TM9SF3: variants seen among roughly 807,000 people sequenced by gnomAD.
The protein encoded by TM9SF3 is transmembrane 9 superfamily member 3.
In TM9SF3, 14 loss-of-function variants were observed where a neutral mutation model predicts 78.6. That is an observed-to-expected ratio of 0.18 (90% CI 0.12 to 0.28). The LOEUF is 0.28. TM9SF3 is among the 10% of genes least tolerant of loss of function. TM9SF3 has a pLI of 1.00. For missense variants in TM9SF3, 496 were observed against 721.9 expected (o/e 0.69, Z 3.59); for synonymous variants, 231 against 241.7 (o/e 0.96, Z 0.41).
intron 1 of TM9SF3, among the ~76,000 whole-genome samples, chr10:96,582,355 G>T (rs1848580107): frequency 6.6e-6 from 1 of 152,180 alleles, no homozygotes; most frequent in Non-Finnish European, 1.5e-5. Context: ...ACCTGTACAG[G>T]CCATTAGGAA....
chr10:96,537,098 T>C (rs1847968560), intron 9 of TM9SF3, among the ~76,000 whole-genome samples: 1 of 152,202 alleles, frequency 6.6e-6, no homozygotes, highest in South Asian at 2.1e-4. Flanking sequence ...AGTTAAGGTT[T>C]TGGGGAGATT....
rs201327892 is a variant in TM9SF3, at chr10:96,528,093, A to G, written c.1479T>C (p.Ile493=). The G allele has an allele frequency of 7.9e-5, 128 of 1,613,046 alleles. No individual in the cohort carries two copies. In the East Asian group the frequency reaches 2.8e-3, roughly 36 times the overall value. The change falls in exon 12 of 15, where the codon ATT becomes ATC. Residue 493 remains isoleucine, a synonymous_variant. Transcript: ENST00000371142. ...ACACAATAGTCACACAGACAGTCACAATGCACAGGATAACCAGCACCAGCA... is the reference window on the plus strand; with the variant it reads ...ACACAATAGTCACACAGACAGTCACGATGCACAGGATAACCAGCACCAGCA... ...FMMLVLVILC[I]VTVCVTIVCT...
chr10:96,538,491 G>A (rs1564930234), intron 9 of TM9SF3, among the ~76,000 whole-genome samples: 1 of 151,974 alleles, frequency 6.6e-6, no homozygotes, highest in Non-Finnish European at 1.5e-5. Flanking sequence ...CTTCTTAAAT[G>A]GAACAGAAAA....
At chr10:96,538,526 A>G (rs977013094) in intron 9 of TM9SF3, among the ~76,000 whole-genome samples, 1 of 152,214 alleles carries the variant, frequency 6.6e-6, no homozygotes, top group Admixed American at 6.5e-5. Context: ...AAGAAAAAAT[A>G]TACCAGTAAA....
chr10:96,583,466 GCACTTAAAAATCAATATAGAGA>G (rs908051579), intron 1 of TM9SF3, among the ~76,000 whole-genome samples: 1 of 152,152 alleles, frequency 6.6e-6, no homozygotes, highest in African/African-American at 2.4e-5. Flanking sequence ...AAGCATTTAA[GCACTTAAAAATCAATATAGAGA>G]ACCACTCAAT....
intron 9 of TM9SF3, among the ~76,000 whole-genome samples, chr10:96,542,539 A>C (rs574382416): frequency 1.3e-5 from 2 of 152,352 alleles, no homozygotes; most frequent in Non-Finnish European, 2.9e-5. Flanking sequence ...AGACAAAGCA[A>C]CTTTGAAATA....
intron 4 of TM9SF3, 50 bp downstream of exon 4, chr10:96,561,928 A>T (rs1848312831): frequency 4.0e-6 from 6 of 1,488,354 alleles, no homozygotes; most frequent in Non-Finnish European, 5.5e-6. Context: ...CAAATTGTTG[A>T]CATCGGGTCA....
At chr10:96,579,186 T>C (rs367875757) in intron 1 of TM9SF3, among the ~76,000 whole-genome samples, 1 of 152,146 alleles carries the variant, frequency 6.6e-6, no homozygotes, top group Non-Finnish European at 1.5e-5. Flanking sequence ...TAAAAGAAGT[T>C]TGAAGTATGT....
chr10:96,581,530 A>G (rs1351309502), intron 1 of TM9SF3, among the ~76,000 whole-genome samples: 1 of 152,246 alleles, frequency 6.6e-6, no homozygotes, highest in Non-Finnish European at 1.5e-5. Flanking sequence ...GTCTCTTGAG[A>G]TAACTACTCT....
intron 8 of TM9SF3, among the ~76,000 whole-genome samples, chr10:96,546,624 G>A (rs1221102739): frequency 6.6e-6 from 1 of 152,090 alleles, no homozygotes; most frequent in Non-Finnish European, 1.5e-5. Flanking sequence ...GTCGAATTTA[G>A]AGACTGAACA....
intron 1 of TM9SF3, among the ~76,000 whole-genome samples, 172 bp downstream of exon 1, chr10:96,586,562 A>G (rs1730416779): frequency 6.6e-6 from 1 of 151,730 alleles, no homozygotes; most frequent in South Asian, 2.1e-4. Flanking sequence ...GCGCACGGAA[A>G]TGCCTCCTCC....
intron 9 of TM9SF3, among the ~76,000 whole-genome samples, chr10:96,536,821 T>C (rs1337741415): frequency 6.6e-6 from 1 of 152,214 alleles, no homozygotes; most frequent in Non-Finnish European, 1.5e-5. Flanking sequence ...GGTCTCACTA[T>C]ATTATCCAGG....
At chr10:96,568,904 A>G (rs755748506) in intron 2 of TM9SF3, among the ~76,000 whole-genome samples, 4 of 152,126 alleles carry the variant, frequency 2.6e-5, no homozygotes, top group Non-Finnish European at 5.9e-5. Context: ...TAAAAGCATC[A>G]GGCCAAGCGT....
intron 1 of TM9SF3, among the ~76,000 whole-genome samples, chr10:96,579,284 T>A (rs909281280): frequency 6.6e-6 from 1 of 152,208 alleles, no homozygotes; most frequent in Non-Finnish European, 1.5e-5. Flanking sequence ...AAGAGCAGAA[T>A]GTTGAATGAG....
At chr10:96,573,294 A>T (rs2134158134) in intron 2 of TM9SF3, among the ~76,000 whole-genome samples, 1 of 152,312 alleles carries the variant, frequency 6.6e-6, no homozygotes, top group South Asian at 2.1e-4. Flanking sequence ...TGGATGACAC[A>T]ATCTCTAAGG....
At chr10:96,567,084 CTT>C (rs5787198) in intron 2 of TM9SF3, among the ~76,000 whole-genome samples, 1 of 124,824 alleles carries the variant, frequency 8.0e-6, no homozygotes, top group Admixed American at 9.0e-5. Context: ...TGTATAAAGC[CTT>C]TTTTTTTTTT....
Position 96,520,930 on chromosome 10 carries a change from C to T in TM9SF3, c.*1333G>A, listed in dbSNP as rs1847760441. 4 of 397,166 alleles carry T rather than the reference C, an allele frequency of 1.0e-5. No individual in the cohort carries two copies. In the South Asian group the frequency reaches 3.8e-4, roughly 38 times the overall value. 24.6% of individuals were successfully genotyped at this position (397,166 alleles called of 1,614,324 possible). On this transcript the variant is annotated 3_prime_UTR_variant, in exon 15 of 15. Coordinates refer to ENST00000371142, the MANE Select transcript of TM9SF3 (RefSeq NM_020123.4). ...TAAAAATGGCATTCGGTAATTTTGC[C>T]TTCTGGACAGAAAGATATCTTCAAA...
chr10:96,533,089 A>G lies in TM9SF3; in HGVS notation c.1287T>C (p.Arg429=), dbSNP rs199584414. Residue 429 remains arginine (R), a synonymous_variant, in exon 10 of 15, where the codon CGT becomes CGC. Coordinates refer to ENST00000371142, the MANE Select transcript of TM9SF3 (RefSeq NM_020123.4). ...NLSGQPNFPC[R]VNAVPRPIPE... is the part of the protein sequence containing the mutation. ...GTATAGGACGAGGCACAGCATTGAC[A>G]CGACAAGGAAAGTTGGGCTGACCTG... 5.6e-6 allele frequency: 9 copies of G among 1,614,146 alleles called. No individual in the cohort carries two copies. In the East Asian group the frequency reaches 6.7e-5, roughly 12 times the overall value.
intron 7 of TM9SF3, among the ~76,000 whole-genome samples, chr10:96,549,375 A>G (rs1848141014): frequency 6.6e-6 from 1 of 152,122 alleles, no homozygotes; most frequent in African/African-American, 2.4e-5. Flanking sequence ...TTTCCGTAAC[A>G]TAGCAAATTA....
Sources: gnomAD v4.1 joint callset for allele counts (sites outside exome capture counted in the v4.1 genomes callset) on GRCh38, gnomAD v4.1.1 for gene constraint, MANE v1.5 for transcripts, NCBI Gene and HGNC (gene_info 2026-07-23, HGNC 2026-07-21) for gene names.